TNK2: variants seen among roughly 807,000 people sequenced by gnomAD.
TNK2 encodes tyrosine kinase non receptor 2.
TNK2 carries 83 observed loss-of-function variants against 101.8 expected under a neutral mutation model. The observed-to-expected ratio is 0.82, with a 90% CI of 0.68 to 0.98. The LOEUF (loss-of-function observed/expected upper bound fraction) is 0.98. TNK2 is among the 50% of genes least tolerant of loss of function. The pLI is 0.00. For missense variants in TNK2, 1,665 were observed against 1,483.2 expected (o/e 1.12, Z -2.01); for synonymous variants, 804 against 633.0 (o/e 1.27, Z -4.06).
At chr3:195,903,243 T>G (rs1232018620) in intron 1 of TNK2, among the ~76,000 whole-genome samples, 1 of 147,116 alleles carries the variant, frequency 6.8e-6, no homozygotes, top group Non-Finnish European at 1.5e-5. Flanking sequence ...GGTTTCACCA[T>G]GTTAGCCAGG....
rs1203092588 is a variant in TNK2, at chr3:195,869,379, G to C, written c.1588+118C>G. 10 of 1,064,836 alleles carry C rather than the reference G, an allele frequency of 9.4e-6. No individual in the cohort carries two copies. In the African/African-American group the frequency reaches 1.4e-4, roughly 15 times the overall value. 66.0% of individuals were successfully genotyped at this position (1,064,836 alleles called of 1,614,324 possible). ...GCCAGGGCAGCCGCGGAAGCTCACA[G>C]CACACACCCACCCACCTCCCCTCCG... On this transcript the variant is annotated intron_variant, in intron 12 of 15. Transcript: ENST00000672887.
At chr3:195,898,271 A>G (rs1311674238) in intron 1 of TNK2, among the ~76,000 whole-genome samples, 2 of 152,150 alleles carry the variant, frequency 1.3e-5, no homozygotes, top group East Asian at 1.9e-4. Flanking sequence ...AACGGTGACA[A>G]TGAGATCAGG....
At chr3:195,873,215 C>G (rs1324625759) in intron 9 of TNK2, among the ~76,000 whole-genome samples, 3 of 152,220 alleles carry the variant, frequency 2.0e-5, no homozygotes, top group Admixed American at 6.5e-5. Context: ...TGCCAGTCCC[C>G]CTCTGACCTC....
chr3:195,868,878 C>T (rs540741216), intron 12 of TNK2, 169 bp from the exon 13 acceptor site: 33 of 726,258 alleles, frequency 4.5e-5, no homozygotes, highest in African/African-American at 1.1e-4. Context: ...AGCGCACCTC[C>T]GACCACTCCA....
chr3:195,884,994 G>C lies in TNK2; in HGVS notation c.274C>G (p.His92Asp). The C allele has an allele frequency of 6.2e-7, 1 of 1,612,294 alleles. No homozygotes were observed. The highest frequency in any genetic ancestry group is 8.5e-7 in the Non-Finnish European group (1 of 1,178,970). Residue 92 changes from histidine to aspartate, a missense_variant, in exon 4 of 16, where the codon CAT becomes GAT. Transcript: ENST00000672887. The part of the protein sequence containing the change: ...GKRLEAEFPP[H>D]HSQSTFRKTS... ...TTCCGGAAGGTGCTCTGAGAGTGATGAGGTGGGAACTCAGCCTCCAGTCGC... is the reference window on the plus strand; with the variant it reads ...TTCCGGAAGGTGCTCTGAGAGTGATCAGGTGGGAACTCAGCCTCCAGTCGC...
rs191054009 is a variant in TNK2, at chr3:195,875,548, C to T, written c.1256+2705G>A. 1.8e-3 allele frequency among the ~76,000 whole-genome samples: 269 copies of T among 152,314 alleles called. 1 individual carries two copies. The highest frequency in any genetic ancestry group is 3.2e-3 in the Non-Finnish European group (220 of 68,020). ...AGTGGGACTTCCAAGAGGACCGTGT[C>T]ACTTCTCGCAGCCCACACGCACCCG... is the stretch of plus-strand genomic sequence containing the variant. On this transcript the variant is annotated intron_variant, in intron 9 of 15. Coordinates refer to ENST00000672887, the MANE Select transcript of TNK2 (RefSeq NM_001382273.1).
chr3:195,898,589 AG>A (rs1216731667), intron 1 of TNK2, among the ~76,000 whole-genome samples: 169 of 152,090 alleles, frequency 1.1e-3, no homozygotes, highest in Non-Finnish European at 2.0e-3. Flanking sequence ...AGCCAAGCCA[AG>A]TGTTTGCCCT....
intron 1 of TNK2, among the ~76,000 whole-genome samples, chr3:195,907,040 A>G (rs1171860666): frequency 6.6e-6 from 1 of 152,218 alleles, no homozygotes; most frequent in East Asian, 1.9e-4. Context: ...TGTAAGCGAT[A>G]TAACCAGATC....
At position 195,885,017 on chromosome 3, in the gene TNK2, C is replaced by A. The variant is rs770023580; in HGVS notation, c.251G>T (p.Arg84Leu). 6.2e-7 allele frequency: 1 copy of A among 1,602,850 alleles called. No homozygotes were observed. Among genetic ancestry groups the A allele is most frequent in the Non-Finnish European group, 8.5e-7 (1 of 1,173,136 alleles). ...SWMSKVFSGKRLEAEFPPHHS... is the reference protein window; with the variant it reads ...SWMSKVFSGKLLEAEFPPHHS... ...ATGAGGTGGGAACTCAGCCTCCAGT[C>A]GCTTTCCACTGAACACCTGTTTGAA... Residue 84 changes from arginine (R) to leucine (L), a missense_variant, in exon 4 of 16, where the codon CGA (arginine) becomes CTA (leucine). Transcript: ENST00000672887. The surrounding 1 kb of genome is among the most constrained non-coding windows in gnomAD (Gnocchi z 4.7).
chr3:195,887,817 T>C (rs1004898992), intron 2 of TNK2, among the ~76,000 whole-genome samples: 2 of 143,018 alleles, frequency 1.4e-5, no homozygotes, highest in Non-Finnish European at 3.0e-5. Flanking sequence ...TGCGTGTGCA[T>C]GCGGGTGTGC....
chr3:195,883,461 T>C, intron 4 of TNK2, 152 bp from the exon 5 acceptor site: 3 of 884,274 alleles, frequency 3.4e-6, no homozygotes, highest in Non-Finnish European at 3.4e-6. Context: ...TGGGCTTACG[T>C]GCTCTGCGTG....
In TNK2 at chr3:195,883,583, C is replaced by A. The variant is rs146993278; in HGVS notation, c.457-274G>T. 4.0e-4 allele frequency: 171 copies of A among 424,668 alleles called. 1 individual carries two copies. The East Asian group carries it at 6.7e-3, about 17-fold the overall frequency. 26.3% of individuals were successfully genotyped at this position (424,668 alleles called of 1,614,324 possible). On this transcript the variant is annotated intron_variant, in intron 4 of 15. Coordinates refer to ENST00000672887, the MANE Select transcript of TNK2 (RefSeq NM_001382273.1). ...ATACCAACCAAAAAGTAAGAGATAACCAGTATGATGAGAGAATATTCAAAT... is the reference window on the plus strand; with the variant it reads ...ATACCAACCAAAAAGTAAGAGATAAACAGTATGATGAGAGAATATTCAAAT...
intron 1 of TNK2, among the ~76,000 whole-genome samples, chr3:195,896,993 G>A (rs1397690077): frequency 6.6e-6 from 1 of 152,158 alleles, no homozygotes; most frequent in African/African-American, 2.4e-5. Flanking sequence ...AGGAATATAT[G>A]CCAACCCTAC....
chr3:195,869,509 A>AG lies in TNK2; in HGVS notation c.1575dup (p.Phe526LeufsTer9). 6.4e-7 allele frequency: 1 copy of AG among 1,550,966 alleles called. No homozygotes were observed. Among genetic ancestry groups the AG allele is most frequent in the Non-Finnish European group, 8.7e-7 (1 of 1,146,970 alleles). On this transcript the variant is annotated frameshift_variant, in exon 12 of 16. Transcript: ENST00000672887. LOFTEE classifies it high-confidence loss of function. ...CAGCCCCACTTACTCTGAGTGAAGA[A>AG]GGCAGGCTGAGGTGGGCGAGGTGGA...
At chr3:195,884,375 G>C in intron 4 of TNK2, 1 of 156,990 alleles carries the variant, frequency 6.4e-6, no homozygotes, top group Non-Finnish European at 1.4e-5. Context: ...GGACGTGGTG[G>C]CTCACACCTG....
At chr3:195,880,510 ACCC>A (rs56230425) in intron 6 of TNK2, among the ~76,000 whole-genome samples, 2 of 15,816 alleles carry the variant, frequency 1.3e-4, no homozygotes, top group African/African-American at 4.4e-4. Flanking sequence ...TCCCTGTAAC[ACCC>A]CCCCCCCCAG....
intron 9 of TNK2, among the ~76,000 whole-genome samples, chr3:195,873,860 C>A (rs1747237158): frequency 6.6e-6 from 1 of 152,190 alleles, no homozygotes; most frequent in Non-Finnish European, 1.5e-5. Flanking sequence ...GGGCTGTGCT[C>A]CCCCTGCCCA....
chr3:195,905,949 AG>A (rs202100590), intron 1 of TNK2, among the ~76,000 whole-genome samples: 1 of 152,106 alleles, frequency 6.6e-6, no homozygotes, highest in African/African-American at 2.4e-5. Flanking sequence ...GCTTATATCC[AG>A]AATATATCAA....
chr3:195,867,038 T>C (rs373989545), intron 14 of TNK2, 22 bp from the exon 15 acceptor site: 17 of 1,612,042 alleles, frequency 1.1e-5, no homozygotes, highest in Non-Finnish European at 1.4e-5. Flanking sequence ...GGTGGCGCCA[T>C]GGACACGCGG....
Sources: gnomAD v4.1 joint callset for allele counts (sites outside exome capture counted in the v4.1 genomes callset) on GRCh38, gnomAD v4.1.1 for gene constraint, Gnocchi (gnomAD v3.1) non-coding constraint, MANE v1.5 for transcripts, NCBI Gene and HGNC (gene_info 2026-07-23, HGNC 2026-07-21) for gene names.